Variants in CERS6 observed in about 807,000 individuals in gnomAD.
CERS6 encodes the protein LAG1 homolog, ceramide synthase 6.
A neutral mutation model predicts 56.8 loss-of-function variants in CERS6; 26 were observed. The ratio of observed to expected loss-of-function variants is 0.46; its 90% CI spans 0.34 to 0.63. The LOEUF is 0.63. Among genes scored for constraint, CERS6 ranks in the 30% least tolerant of loss-of-function variants. The pLI is 0.01. For missense variants in CERS6, 415 were observed against 467.5 expected (o/e 0.89, Z 1.04); for synonymous variants, 164 against 173.3 (o/e 0.95, Z 0.42).
intron 4 of CERS6, among the ~76,000 whole-genome samples, chr2:168,669,650 T>TA (rs966826234): frequency 6.6e-6 from 1 of 152,092 alleles, no homozygotes; most frequent in Non-Finnish European, 1.5e-5. Flanking sequence ...ACTTGTAAGT[T>TA]AAAAAAAGTA....
intron 1 of CERS6, among the ~76,000 whole-genome samples, chr2:168,512,036 G>A (rs532317340): frequency 6.6e-6 from 1 of 152,154 alleles, no homozygotes; most frequent in East Asian, 1.9e-4. Flanking sequence ...TACAACAAGG[G>A]TTGAACCCTT....
chr2:168,674,164 T>C (rs1394772976), intron 4 of CERS6, among the ~76,000 whole-genome samples: 1 of 152,224 alleles, frequency 6.6e-6, no homozygotes, highest in African/African-American at 2.4e-5. Context: ...TAAGATGTTT[T>C]TGAGAGAGAG....
chr2:168,510,991 G>A (rs1694778050), intron 1 of CERS6, among the ~76,000 whole-genome samples: 1 of 152,198 alleles, frequency 6.6e-6, no homozygotes, highest in South Asian at 2.1e-4. Context: ...CCTGTCTTGT[G>A]TGGATATAGC....
intron 1 of CERS6, among the ~76,000 whole-genome samples, chr2:168,509,289 G>A (rs1047540735): frequency 6.6e-6 from 1 of 152,168 alleles, no homozygotes; most frequent in Non-Finnish European, 1.5e-5. Context: ...CCCATGGAGA[G>A]CAATAACCAT....
Position 168,774,496 on chromosome 2 carries a change from GC to G in CERS6, c.*4836del, listed in dbSNP as rs1684950000. On this transcript the variant is annotated 3_prime_UTR_variant, in exon 10 of 10. Coordinates refer to ENST00000305747, the MANE Select transcript of CERS6 (RefSeq NM_203463.3). ...TTCCTGGTTTGATGTCTGTTGCGTG[GC>G]CTGGAAACCAGGGAGCAGCAACTAT... 1 of 152,164 alleles carries G rather than the reference GC, an allele frequency of 6.6e-6. No individual in the cohort carries two copies. The highest frequency in any genetic ancestry group is 1.5e-5 in the Non-Finnish European group (1 of 68,042). 9.4% of individuals were successfully genotyped at this position (152,164 alleles called of 1,614,324 possible).
chr2:168,456,750 G>T lies in CERS6; in HGVS notation c.170+132G>T. ...ACGCCTCCCAACCTTTGTGTTCGGG[G>T]AGGGGTTGCTGACCCCCCTGCCCCG... On this transcript the variant is annotated intron_variant, in intron 1 of 9. Transcript: ENST00000305747. This position sits in a 1 kb window ranked among gnomAD's most constrained non-coding sequence, Gnocchi z 4.1. 6 of 836,690 alleles carry T rather than the reference G, an allele frequency of 7.2e-6. No individual in the cohort carries two copies. Among genetic ancestry groups the T allele is most frequent in the Non-Finnish European group, 1.1e-5 (6 of 541,760 alleles). 51.8% of individuals were successfully genotyped at this position (836,690 alleles called of 1,614,324 possible). A position where few individuals can be genotyped will look rare whatever the true frequency, so the allele number is the denominator to read the frequency against.
chr2:168,767,372 T>A (rs1684753353), intron 9 of CERS6, among the ~76,000 whole-genome samples: 1 of 152,242 alleles, frequency 6.6e-6, no homozygotes, highest in South Asian at 2.1e-4. Context: ...AAAATCTGAC[T>A]GAGCATGCAA....
intron 2 of CERS6, among the ~76,000 whole-genome samples, chr2:168,558,749 G>T (rs1357650648): frequency 6.6e-6 from 1 of 152,192 alleles, no homozygotes; most frequent in African/African-American, 2.4e-5. Flanking sequence ...GGCGCCTGTA[G>T]TCCCAGCTAC....
At chr2:168,751,945 T>C (rs1470392864) in intron 8 of CERS6, among the ~76,000 whole-genome samples, 1 of 152,248 alleles carries the variant, frequency 6.6e-6, no homozygotes, top group African/African-American at 2.4e-5. Context: ...TTAATAATTC[T>C]ACCTTAGTAA....
intron 8 of CERS6, among the ~76,000 whole-genome samples, chr2:168,740,076 T>A (rs1683849495): frequency 6.6e-6 from 1 of 151,894 alleles, no homozygotes; most frequent in African/African-American, 2.4e-5. Context: ...AAGTTCAGTA[T>A]GGCAAAAAAA....
At chr2:168,643,615 G>A (rs1192663839) in intron 4 of CERS6, among the ~76,000 whole-genome samples, 3 of 152,064 alleles carry the variant, frequency 2.0e-5, no homozygotes, top group Non-Finnish European at 4.4e-5. Context: ...TAGAGTTTAC[G>A]TCTTGATACC....
At chr2:168,497,847 G>C (rs186252100) in intron 1 of CERS6, among the ~76,000 whole-genome samples, 1 of 152,280 alleles carries the variant, frequency 6.6e-6, no homozygotes, top group Non-Finnish European at 1.5e-5. Context: ...AACCAGTTAG[G>C]AGACTGCTAT....
intron 6 of CERS6, among the ~76,000 whole-genome samples, chr2:168,696,623 C>T (rs1686653872): frequency 1.3e-5 from 2 of 152,166 alleles, no homozygotes; most frequent in Non-Finnish European, 2.9e-5. Flanking sequence ...CAGATCAAGG[C>T]ACCAGCAGAT....
chr2:168,524,727 T>C (rs1167292761), intron 1 of CERS6, among the ~76,000 whole-genome samples: 1 of 152,146 alleles, frequency 6.6e-6, no homozygotes, highest in Non-Finnish European at 1.5e-5. Context: ...CATTTTACTC[T>C]TCTTTTAGTA....
chr2:168,734,975 G>A (rs1475811056), intron 8 of CERS6, among the ~76,000 whole-genome samples: 1 of 152,138 alleles, frequency 6.6e-6, no homozygotes, highest in African/African-American at 2.4e-5. Flanking sequence ...AGCTCCTTAA[G>A]CATAAGGTAG....
At chr2:168,766,336 C>A in intron 9 of CERS6, 2 of 1,598,104 alleles carry the variant, frequency 1.3e-6, no homozygotes, top group Non-Finnish European at 1.7e-6. Flanking sequence ...GGAAGTGGAA[C>A]CCTTTACATG....
chr2:168,654,748 T>C (rs1440374901), intron 4 of CERS6, among the ~76,000 whole-genome samples: 1 of 152,224 alleles, frequency 6.6e-6, no homozygotes, highest in East Asian at 1.9e-4. Context: ...ATTCGAGTCC[T>C]ATTACTTGAA....
At chr2:168,741,986 A>T (rs1034366025) in intron 8 of CERS6, among the ~76,000 whole-genome samples, 1 of 152,212 alleles carries the variant, frequency 6.6e-6, no homozygotes, top group South Asian at 2.1e-4. Context: ...GCCCAACTTC[A>T]GTCAGAGTAT....
intron 4 of CERS6, among the ~76,000 whole-genome samples, chr2:168,669,683 T>C (rs1297615680): frequency 6.6e-6 from 1 of 152,208 alleles, no homozygotes; most frequent in Non-Finnish European, 1.5e-5. Context: ...ATATGACACC[T>C]TAGTTGAAAA....
Sources: allele counts gnomAD v4.1 joint callset (sites outside exome capture counted in the v4.1 genomes callset), GRCh38; gene constraint gnomAD v4.1.1; non-coding constraint Gnocchi (gnomAD v3.1); transcripts MANE v1.5; gene names NCBI Gene and HGNC (gene_info 2026-07-23, HGNC 2026-07-21).